The following PDLIM5 variants were observed in gnomAD, a reference collection of about 807,000 sequenced individuals.
PDLIM5 encodes the protein PDZ and LIM domain protein 5.
A neutral mutation model predicts 64.2 loss-of-function variants in PDLIM5; 34 were observed. The observed-to-expected ratio is 0.53, with a 90% CI of 0.40 to 0.71. The LOEUF is 0.71. Among genes scored for constraint, PDLIM5 ranks in the 30% least tolerant of loss-of-function variants. PDLIM5 has a pLI of 0.00. For missense variants in PDLIM5, 683 were observed against 733.6 expected, an observed-to-expected ratio of 0.93 and a Z score of 0.80; for synonymous variants, 253 against 269.1, an observed-to-expected ratio of 0.94 and a Z score of 0.59.
chr4:94,559,296 C>A (rs1468827188), intron 3 of PDLIM5, among the ~76,000 whole-genome samples: 1 of 152,074 alleles, frequency 6.6e-6, no homozygotes, highest in Non-Finnish European at 1.5e-5. Context: ...TTATATGAAC[C>A]AGACCTTCTA....
chr4:94,596,534 A>AT (rs1737081889), intron 7 of PDLIM5, among the ~76,000 whole-genome samples: 1 of 151,688 alleles, frequency 6.6e-6, no homozygotes, highest in African/African-American at 2.4e-5. Context: ...CCTGCACTTT[A>AT]GTTTTTTTTT....
intron 2 of PDLIM5, among the ~76,000 whole-genome samples, chr4:94,504,370 C>G (rs1024317162): frequency 1.3e-5 from 2 of 151,934 alleles, no homozygotes; most frequent in Admixed American, 1.3e-4. Flanking sequence ...TCATTGCAAC[C>G]TCCGCTCCCG....
intron 2 of PDLIM5, among the ~76,000 whole-genome samples, chr4:94,494,347 A>G (rs1031459029): frequency 6.6e-6 from 1 of 150,522 alleles, no homozygotes; most frequent in African/African-American, 2.4e-5. Context: ...GCTTCAATCA[A>G]TATGGCCCTT....
At chr4:94,484,467 A>C (rs1726139011) in intron 2 of PDLIM5, among the ~76,000 whole-genome samples, 1 of 152,242 alleles carries the variant, frequency 6.6e-6, no homozygotes, top group African/African-American at 2.4e-5. Context: ...TAACTATGTA[A>C]CATATGGATT....
chr4:94,578,580 C>A (rs919609232), intron 5 of PDLIM5, among the ~76,000 whole-genome samples: 1 of 152,050 alleles, frequency 6.6e-6, no homozygotes, highest in African/African-American at 2.4e-5. Flanking sequence ...CTTTCATTCA[C>A]GATATTTAGA....
chr4:94,514,324 C>T (rs868405814), intron 2 of PDLIM5, among the ~76,000 whole-genome samples: 2 of 151,630 alleles, frequency 1.3e-5, no homozygotes, highest in Admixed American at 6.6e-5. Context: ...TTAGTAGAGG[C>T]GGGGTTTCAC....
At chr4:94,500,926 G>A (rs944473637) in intron 2 of PDLIM5, among the ~76,000 whole-genome samples, 3 of 152,002 alleles carry the variant, frequency 2.0e-5, no homozygotes, top group Non-Finnish European at 4.4e-5. Context: ...GAGACTACAG[G>A]CATGTGTCAC....
At chr4:94,626,391 T>A (rs1362353624) in intron 8 of PDLIM5, among the ~76,000 whole-genome samples, 2 of 152,228 alleles carry the variant, frequency 1.3e-5, no homozygotes, top group African/African-American at 4.8e-5. Flanking sequence ...TAGCAGTGTC[T>A]GAGAAAAGTC....
intron 2 of PDLIM5, among the ~76,000 whole-genome samples, chr4:94,458,213 C>G (rs967961910): frequency 1.3e-5 from 2 of 151,958 alleles, no homozygotes; most frequent in Non-Finnish European, 2.9e-5. Context: ...CTTTTTCTGC[C>G]TTAATTATGT....
At chr4:94,560,630 G>C (rs1357050282) in intron 3 of PDLIM5, among the ~76,000 whole-genome samples, 1 of 152,190 alleles carries the variant, frequency 6.6e-6, no homozygotes, top group African/African-American at 2.4e-5. Context: ...AGGTGCTAGG[G>C]TTAGAATCTG....
intron 3 of PDLIM5, among the ~76,000 whole-genome samples, chr4:94,551,443 C>T (rs749061345): frequency 6.6e-6 from 1 of 152,046 alleles, no homozygotes; most frequent in Non-Finnish European, 1.5e-5. Flanking sequence ...TTGAATTCTC[C>T]CAAATCAAGA....
At chr4:94,586,644 G>A in intron 7 of PDLIM5, among the ~76,000 whole-genome samples, 200 bp downstream of exon 7, 1 of 152,150 alleles carries the variant, frequency 6.6e-6, no homozygotes, top group Non-Finnish European at 1.5e-5. Context: ...TGGATTTTAA[G>A]GCTTGTTTTC....
At chr4:94,582,439 T>C in intron 5 of PDLIM5, 1 of 340,124 alleles carries the variant, frequency 2.9e-6, no homozygotes. Context: ...GTTTTCAGTG[T>C]TTTGTGGGAT....
At chr4:94,572,984 G>A (rs933098630) in intron 3 of PDLIM5, among the ~76,000 whole-genome samples, 1 of 152,146 alleles carries the variant, frequency 6.6e-6, no homozygotes, top group African/African-American at 2.4e-5. Context: ...GGTGGTTGAG[G>A]AGCCACTCAA....
intron 7 of PDLIM5, among the ~76,000 whole-genome samples, chr4:94,605,076 T>G (rs1737809958): frequency 6.6e-6 from 1 of 152,124 alleles, no homozygotes. Flanking sequence ...TCTGTTGTTT[T>G]TAAGAGAAAC....
At chr4:94,471,331 T>A (rs142808520) in intron 2 of PDLIM5, among the ~76,000 whole-genome samples, 13 of 152,196 alleles carry the variant, frequency 8.5e-5, no homozygotes, top group Middle Eastern at 3.4e-3. Flanking sequence ...TGAGAGATAG[T>A]TTCGTAAAAG....
At chr4:94,659,125 T>A (rs1176125798) in intron 11 of PDLIM5, among the ~76,000 whole-genome samples, 1 of 152,208 alleles carries the variant, frequency 6.6e-6, no homozygotes, top group Non-Finnish European at 1.5e-5. Flanking sequence ...CTAATCAACT[T>A]GGTCTGTTTT....
chr4:94,610,473 G>C (rs1738282642), intron 7 of PDLIM5, among the ~76,000 whole-genome samples: 1 of 152,148 alleles, frequency 6.6e-6, no homozygotes, highest in Non-Finnish European at 1.5e-5. Context: ...CACAGTATTT[G>C]TTACTGGTTT....
Position 94,460,932 on chromosome 4 carries a change from A to G in PDLIM5, c.96+5548A>G, listed in dbSNP as rs1218385999. 2.0e-5 allele frequency among the ~76,000 whole-genome samples: 3 copies of G among 152,212 alleles called. No homozygotes were observed. The South Asian group carries it at 6.2e-4, about 31-fold the overall frequency. On this transcript the variant is annotated intron_variant, in intron 2 of 12. Coordinates refer to ENST00000317968, the MANE Select transcript of PDLIM5 (RefSeq NM_006457.5). ...AGCCTGTGAGCTTTCAATTTTTTTT[A>G]GAACTTCTGAGGCAAAGAGCTTTTC...
Sources: gnomAD v4.1 joint callset for allele counts (sites outside exome capture counted in the v4.1 genomes callset) on GRCh38, gnomAD v4.1.1 for gene constraint, MANE v1.5 for transcripts, NCBI Gene and HGNC (gene_info 2026-07-23, HGNC 2026-07-21) for gene names.